EEF1G: variants seen among roughly 807,000 people sequenced by gnomAD.
The protein encoded by EEF1G is elongation factor 1-gamma.
Under a neutral mutation model 58.3 loss-of-function variants are expected in EEF1G, and 14 were observed. The ratio of observed to expected loss-of-function variants is 0.24; its 90% confidence interval spans 0.16 to 0.38. EEF1G has a LOEUF of 0.38. EEF1G is among the 10% of genes least tolerant of loss of function. The pLI is 1.00. For missense variants in EEF1G, 322 were observed against 550.1 expected (o/e 0.59, Z 4.15); for synonymous variants, 180 against 206.8 (o/e 0.87, Z 1.11).
At position 62,573,825 on chromosome 11, in the gene EEF1G, A is replaced by G; in HGVS notation, c.12+6T>C. On this transcript the variant is annotated splice_donor_region_variant and intron_variant, in intron 1 of 9. Coordinates refer to ENST00000329251, the MANE Select transcript of EEF1G (RefSeq NM_001404.5). Reference sequence around the variant, plus strand: ...TGACCCGAACCACCAGAGCCAGCAAACTTACCCCAGCCGCCATGGTGATTC... The same window carrying G: ...TGACCCGAACCACCAGAGCCAGCAAGCTTACCCCAGCCGCCATGGTGATTC... The G allele has an allele frequency of 6.2e-7, 1 of 1,613,686 alleles. No individual in the cohort carries two copies. Among genetic ancestry groups the G allele is most frequent in the East Asian group, 2.2e-5 (1 of 44,880 alleles).
chr11:62,560,530 A>C (rs955279525), intron 7 of EEF1G, 76 bp from the exon 8 acceptor site: 88 of 1,495,750 alleles, frequency 5.9e-5, no homozygotes, highest in Non-Finnish European at 7.8e-5. Context: ...GGGTGCTTTC[A>C]CTTAAAATTT....
Position 62,571,091 on chromosome 11 carries a change from C to T in EEF1G, c.396G>A (p.Lys132=). ...HHNKQATENA[K]EEVRRILGLL... The stretch of plus-strand genomic sequence containing the variant: ...GCCCCAGAATTCGCCTCACTTCCTC[C>T]TTTGCATTCTCAGTGGCCTAGTGAT... Residue 132 remains lysine (K), a synonymous_variant, in exon 5 of 10, where the codon AAG becomes AAA. Transcript: ENST00000329251. The T allele has an allele frequency of 8.1e-6, 13 of 1,613,964 alleles. No individual in the cohort carries two copies. The highest frequency in any genetic ancestry group is 1.0e-5 in the Non-Finnish European group (12 of 1,179,890).
At chr11:62,569,444 A>C (rs1452518018) in intron 5 of EEF1G, among the ~76,000 whole-genome samples, 4 of 152,248 alleles carry the variant, frequency 2.6e-5, no homozygotes, top group Admixed American at 6.5e-5. Flanking sequence ...ACTGCACTCC[A>C]GCCTGGGTGA....
intron 7 of EEF1G, among the ~76,000 whole-genome samples, chr11:62,564,315 T>C (rs1048915136): frequency 6.7e-6 from 1 of 149,512 alleles, no homozygotes; most frequent in African/African-American, 2.5e-5. Context: ...ATACAAAAAT[T>C]AGCCAGGCAT....
At position 62,566,957 on chromosome 11, in the gene EEF1G, C is replaced by G. The variant is rs747786772; in HGVS notation, c.706G>C (p.Gly236Arg). The change falls in exon 7 of 10, where the codon GGT (glycine) becomes CGT (arginine). Residue 236 changes from glycine to arginine, a missense_variant. Coordinates refer to ENST00000329251, the MANE Select transcript of EEF1G (RefSeq NM_001404.5). ...GGCTTCTGCTTCTCTTCCCGTGAAC[C>G]CTTCTCTTTCCGTGGTGTGTCCTTT... ...PKKDTPRKEK[G>R]SREEKQKPQA... The G allele has an allele frequency of 2.5e-6, 4 of 1,613,870 alleles. No homozygotes were observed. The highest frequency in any genetic ancestry group is 2.2e-5 in the East Asian group (1 of 44,894).
Position 62,566,976 on chromosome 11 carries a change from G to A in EEF1G, c.687C>T (p.Asp229=). The A allele has an allele frequency of 6.2e-7, 1 of 1,614,002 alleles. No individual in the cohort carries two copies. Among genetic ancestry groups the A allele is most frequent in the South Asian group, 1.1e-5 (1 of 91,084 alleles). The change falls in exon 7 of 10, where the codon GAC becomes GAT. Residue 229 remains aspartate, a synonymous_variant. Coordinates refer to ENST00000329251, the MANE Select transcript of EEF1G (RefSeq NM_001404.5). ...GTGAACCCTTCTCTTTCCGTGGTGTGTCCTTTTTAGGTTGGGTCTCTGCAA... is the reference window on the plus strand; with the variant it reads ...GTGAACCCTTCTCTTTCCGTGGTGTATCCTTTTTAGGTTGGGTCTCTGCAA... The part of the protein sequence containing the change: ...KKFAETQPKK[D]TPRKEKGSRE...
At chr11:62,573,798 G>A (rs914562145) in intron 1 of EEF1G, 33 bp downstream of exon 1, 1 of 1,613,472 alleles carries the variant, frequency 6.2e-7, no homozygotes, top group Non-Finnish European at 8.5e-7. Flanking sequence ...CGGTGGATAG[G>A]ATGACCCGAA....
At chr11:62,569,076 T>G (rs1590710384) in intron 5 of EEF1G, among the ~76,000 whole-genome samples, 1 of 143,810 alleles carries the variant, frequency 7.0e-6, no homozygotes, top group African/African-American at 2.5e-5. Flanking sequence ...GGCCATACTA[T>G]ACACACACGC....
rs1209411765 is a variant in EEF1G at position 62,559,652 on chromosome 11, A to G, written c.*27T>C. On this transcript the variant is annotated 3_prime_UTR_variant, in exon 10 of 10. Coordinates refer to ENST00000329251, the MANE Select transcript of EEF1G (RefSeq NM_001404.5). ...CCCCATCTCCCTGAAGGGCAGGTGCAGGCAGCTAGGTGATGGCAAGAGATG... is the reference window on the plus strand; with the variant it reads ...CCCCATCTCCCTGAAGGGCAGGTGCGGGCAGCTAGGTGATGGCAAGAGATG... 11 of 1,612,132 alleles carry G rather than the reference A, an allele frequency of 6.8e-6. No individual in the cohort carries two copies. The highest frequency in any genetic ancestry group is 9.3e-6 in the Non-Finnish European group (11 of 1,178,446).
At chr11:62,563,044 A>G (rs1941516537) in intron 7 of EEF1G, among the ~76,000 whole-genome samples, 1 of 151,528 alleles carries the variant, frequency 6.6e-6, no homozygotes, top group Non-Finnish European at 1.5e-5. Flanking sequence ...CGGGAGGCAG[A>G]GGTTGCAGTG....
rs752095509 is a variant in EEF1G at position 62,573,866 on chromosome 11, T to G, written c.-24A>C. 12 of 1,612,494 alleles carry G rather than the reference T, an allele frequency of 7.4e-6. No homozygotes were observed. The highest frequency in any genetic ancestry group is 1.7e-5 in the Admixed American group (1 of 59,922). On this transcript the variant is annotated 5_prime_UTR_variant, in exon 1 of 10. Coordinates refer to ENST00000329251, the MANE Select transcript of EEF1G (RefSeq NM_001404.5). The stretch of plus-strand genomic sequence containing the variant: ...ATGGTGATTCCGCAAAGAAAGGGGG[T>G]GGGGTTCTCGGCGCTGCCGCAAAGT...
At chr11:62,559,891 G>T (rs1237348620) in intron 9 of EEF1G, 54 bp from the exon 10 acceptor site, 4 of 1,612,792 alleles carry the variant, frequency 2.5e-6, no homozygotes, top group Non-Finnish European at 3.4e-6. Context: ...CCCCACACCT[G>T]TGTTACTTCC....
intron 7 of EEF1G, among the ~76,000 whole-genome samples, chr11:62,561,777 A>T (rs1941500041): frequency 6.6e-6 from 1 of 151,836 alleles, no homozygotes; most frequent in South Asian, 2.1e-4. Context: ...CACTACTTTG[A>T]ATCTTCCCTG....
intron 5 of EEF1G, among the ~76,000 whole-genome samples, chr11:62,570,222 C>T (rs1248793393): frequency 2.6e-5 from 4 of 151,692 alleles, no homozygotes; most frequent in Admixed American, 2.0e-4. Context: ...CCACCACGCC[C>T]GGCTAATTTT....
chr11:62,569,883 C>T (rs1565262320), intron 5 of EEF1G, among the ~76,000 whole-genome samples: 1 of 152,170 alleles, frequency 6.6e-6, no homozygotes. Context: ...AAACCAGTGA[C>T]TTGTCATTCT....
chr11:62,569,642 A>G (rs1391235201), intron 5 of EEF1G, among the ~76,000 whole-genome samples: 3 of 152,164 alleles, frequency 2.0e-5, no homozygotes, highest in Admixed American at 6.6e-5. Flanking sequence ...TTTAGTTTGC[A>G]AAGACCAGAA....
chr11:62,563,303 C>T lies in EEF1G; in HGVS notation c.858-2849G>A, dbSNP rs184243001. Among the ~76,000 whole-genome samples the T allele has an allele frequency of 8.1e-3, 1,234 of 151,824 alleles. 23 individuals are homozygous for T. The highest frequency in any genetic ancestry group is 0.028 in the African/African-American group (1,172 of 41,478). On this transcript the variant is annotated intron_variant, in intron 7 of 9. Coordinates refer to ENST00000329251, the MANE Select transcript of EEF1G (RefSeq NM_001404.5). ...TACCGCCCCCGGCTAATTTTTTGTACTTTTTGTATTTTTAGTAGAGACGGT... is the reference window on the plus strand; with the variant it reads ...TACCGCCCCCGGCTAATTTTTTGTATTTTTTGTATTTTTAGTAGAGACGGT...
Position 62,563,179 on chromosome 11 carries a change from T to G in EEF1G, c.858-2725A>C, listed in dbSNP as rs529901135. Among the ~76,000 whole-genome samples the G allele has an allele frequency of 6.6e-5, 10 of 152,056 alleles. No individual in the cohort carries two copies. In the East Asian group the frequency reaches 1.8e-3, roughly 27 times the overall value. ...TCTAGCTCTGTTGCCCAGGCTGCAG[T>G]GCAGTGGTGCAATCTCGGCTCACTG... On this transcript the variant is annotated intron_variant, in intron 7 of 9. Transcript: ENST00000329251.
rs1432614637 is a variant in EEF1G at position 62,567,610 on chromosome 11, T to G, written c.523-82A>C. On this transcript the variant is annotated intron_variant, in intron 5 of 9. Coordinates refer to ENST00000329251, the MANE Select transcript of EEF1G (RefSeq NM_001404.5). The stretch of plus-strand genomic sequence containing the variant: ...TCACAGCAAGAGTCCTTGCTCTACC[T>G]AAGTCCCAGTGCTCACCTTCTTTTC... 55 of 1,381,920 alleles carry G rather than the reference T, an allele frequency of 4.0e-5. No homozygotes were observed. In the East Asian group the frequency reaches 1.4e-3, roughly 36 times the overall value. The allele number at this position is 1,381,920 out of a possible 1,614,324, so 85.6% of individuals were successfully genotyped here.
Sources: allele counts gnomAD v4.1 joint callset (sites outside exome capture counted in the v4.1 genomes callset), GRCh38; gene constraint gnomAD v4.1.1; transcripts MANE v1.5; gene names NCBI Gene and HGNC (gene_info 2026-07-23, HGNC 2026-07-21).